The following METTL14 variants were observed in gnomAD, a reference collection of about 807,000 sequenced individuals.
METTL14 encodes the protein methyltransferase 14, N6-adenosine-methyltransferase non-catalytic subunit, also known as N(6)-adenosine-methyltransferase non-catalytic subunit METTL14.
A neutral mutation model predicts 62.4 loss-of-function variants in METTL14; 32 were observed. That is an observed-to-expected ratio of 0.51 (90% CI 0.39 to 0.69). The LOEUF is 0.69. Ranked by LOEUF, METTL14 falls within the 30% of genes least tolerant of loss-of-function variation. The pLI, the probability that METTL14 is intolerant of heterozygous loss-of-function variation, is 0.00. For missense variants in METTL14, 340 were observed against 551.9 expected, an observed-to-expected ratio of 0.62 and a Z score of 3.85; for synonymous variants, 150 against 180.0, an observed-to-expected ratio of 0.83 and a Z score of 1.34.
intron 9 of METTL14, among the ~76,000 whole-genome samples, chr4:118,704,356 A>T (rs1219406488): frequency 6.6e-6 from 1 of 152,192 alleles, no homozygotes; most frequent in Non-Finnish European, 1.5e-5. Context: ...GCTCAGAAAG[A>T]AGAGATAGCA....
chr4:118,698,135 A>C (rs1193277987), intron 7 of METTL14, among the ~76,000 whole-genome samples: 4 of 152,032 alleles, frequency 2.6e-5, no homozygotes, highest in Non-Finnish European at 5.9e-5. Context: ...TGGTGTTTGG[A>C]AGCTGGGCTA....
At chr4:118,688,326 A>G (rs527758788) in intron 2 of METTL14, among the ~76,000 whole-genome samples, 9 of 152,076 alleles carry the variant, frequency 5.9e-5, no homozygotes, top group African/African-American at 1.7e-4. Flanking sequence ...AATCCCCGCT[A>G]CTCGGGAGCC....
intron 2 of METTL14, among the ~76,000 whole-genome samples, chr4:118,688,752 C>T (rs1579064590): frequency 6.6e-6 from 1 of 152,174 alleles, no homozygotes; most frequent in African/African-American, 2.4e-5. Flanking sequence ...CGGCTCACTG[C>T]AACCTCCGCC....
At chr4:118,687,434 T>TAG (rs1189204836) in intron 1 of METTL14, among the ~76,000 whole-genome samples, 2 of 152,310 alleles carry the variant, frequency 1.3e-5, no homozygotes, top group Admixed American at 1.3e-4. Flanking sequence ...TGTCTTATTT[T>TAG]CAAATACAGA....
chr4:118,693,366 A>G (rs1253374856), intron 5 of METTL14, among the ~76,000 whole-genome samples: 3 of 151,992 alleles, frequency 2.0e-5, no homozygotes, highest in African/African-American at 4.8e-5. Flanking sequence ...AGAGTCTTTT[A>G]TATATTCTCT....
intron 10 of METTL14, among the ~76,000 whole-genome samples, chr4:118,708,483 G>A (rs1321504788): frequency 1.3e-5 from 2 of 152,180 alleles, no homozygotes; most frequent in African/African-American, 4.8e-5. Context: ...GGTGTGGAAT[G>A]TGCTCTTGAT....
At position 118,704,066 on chromosome 4, in the gene METTL14, G is replaced by C. The variant is rs1724685796; in HGVS notation, c.855+15G>C. Reference sequence around the variant, plus strand: ...AGAGAACAAAGGTATTGCCTTTACTGATTTGTTTTTTTTAATTTTTGTGAT... The same window carrying C: ...AGAGAACAAAGGTATTGCCTTTACTCATTTGTTTTTTTTAATTTTTGTGAT... On this transcript the variant is annotated intron_variant, in intron 9 of 10. Coordinates refer to ENST00000388822, the MANE Select transcript of METTL14 (RefSeq NM_020961.4). The C allele has an allele frequency of 6.8e-7, 1 of 1,464,018 alleles. No individual in the cohort carries two copies. The highest frequency in any genetic ancestry group is 1.3e-5 in the South Asian group (1 of 79,988). 90.7% of individuals were successfully genotyped at this position (1,464,018 alleles called of 1,614,324 possible).
chr4:118,691,432 T>G (rs1724243231), intron 3 of METTL14, 100 bp from the exon 4 acceptor site: 1 of 627,466 alleles, frequency 1.6e-6, no homozygotes, highest in Non-Finnish European at 2.6e-6. Context: ...AAAACATTTA[T>G]TAAATCTTAA....
chr4:118,690,198 G>A (rs543893144), intron 3 of METTL14, among the ~76,000 whole-genome samples: 14 of 150,514 alleles, frequency 9.3e-5, no homozygotes, highest in Admixed American at 8.6e-4. Context: ...GCACCACGAC[G>A]CCCGGCTATT....
intron 3 of METTL14, among the ~76,000 whole-genome samples, chr4:118,690,169 T>C (rs1035882676): frequency 6.7e-6 from 1 of 148,290 alleles, no homozygotes; most frequent in Non-Finnish European, 1.5e-5. Flanking sequence ...GCCTCCCAAG[T>C]AGCTGGGACT....
At chr4:118,697,810 G>T (rs556574973) in intron 7 of METTL14, among the ~76,000 whole-genome samples, 1 of 152,094 alleles carries the variant, frequency 6.6e-6, no homozygotes, top group South Asian at 2.1e-4. Flanking sequence ...AAGATGACAT[G>T]AGAGCAACTG....
chr4:118,695,835 G>A (rs753884536), intron 6 of METTL14, among the ~76,000 whole-genome samples: 2 of 152,096 alleles, frequency 1.3e-5, no homozygotes, highest in South Asian at 2.1e-4. Context: ...TTTTGGGCCG[G>A]GTGCGGTGGC....
chr4:118,691,682 A>G (rs994019475), intron 4 of METTL14, 70 bp downstream of exon 4: 1 of 735,438 alleles, frequency 1.4e-6, no homozygotes, highest in Non-Finnish European at 2.2e-6. Flanking sequence ...GATTTTAAAT[A>G]CCTGTTTGTC....
At chr4:118,705,495 A>G (rs1346570944) in intron 9 of METTL14, 116 bp from the exon 10 acceptor site, 1 of 843,620 alleles carries the variant, frequency 1.2e-6, no homozygotes, top group Non-Finnish European at 1.9e-6. Flanking sequence ...AAATAACTGT[A>G]TCCCAAAGAT....
At chr4:118,706,948 T>A (rs1361458090) in intron 10 of METTL14, among the ~76,000 whole-genome samples, 1 of 152,220 alleles carries the variant, frequency 6.6e-6, no homozygotes, top group Non-Finnish European at 1.5e-5. Context: ...ATTGTTGAGG[T>A]TTAAGAGTTA....
At chr4:118,685,907 C>T (rs550616981) in intron 1 of METTL14, among the ~76,000 whole-genome samples, 1 of 152,120 alleles carries the variant, frequency 6.6e-6, no homozygotes, top group South Asian at 2.1e-4. Context: ...CATGTTATCC[C>T]CTACATTTCT....
chr4:118,703,597 G>T (rs1724669595), intron 8 of METTL14, among the ~76,000 whole-genome samples: 1 of 152,164 alleles, frequency 6.6e-6, no homozygotes, highest in African/African-American at 2.4e-5. Context: ...ATTGTTTTGT[G>T]ATTACAGAAG....
Position 118,712,043 on chromosome 4 carries a change from A to G in METTL14, c.*1741A>G, listed in dbSNP as rs990527529. 6 of 152,234 alleles carry G rather than the reference A, an allele frequency of 3.9e-5. No homozygotes were observed. The highest frequency in any genetic ancestry group is 1.2e-4 in the African/African-American group (5 of 41,462). The allele number at this position is 152,234 out of a possible 1,614,324, so 9.4% of individuals were successfully genotyped here. A position where few individuals can be genotyped will look rare whatever the true frequency, so the allele number is the denominator to read the frequency against. ...CGGTTGAAAGTTAAGGGGAGCCATG[A>G]TCTACCATATTTAGGAAAAAGTTAT... On this transcript the variant is annotated 3_prime_UTR_variant, in exon 11 of 11. Coordinates refer to ENST00000388822, the MANE Select transcript of METTL14 (RefSeq NM_020961.4).
intron 6 of METTL14, among the ~76,000 whole-genome samples, chr4:118,696,831 A>G (rs918792094): frequency 4.6e-5 from 7 of 152,294 alleles, no homozygotes; most frequent in African/African-American, 1.7e-4. Flanking sequence ...GAAAATTCAG[A>G]TGAGAAGGGA....
Sources: gnomAD v4.1 joint callset for allele counts (sites outside exome capture counted in the v4.1 genomes callset) on GRCh38, gnomAD v4.1.1 for gene constraint, MANE v1.5 for transcripts, NCBI Gene and HGNC (gene_info 2026-07-23, HGNC 2026-07-21) for gene names.